The following DLGAP2 variants were observed in gnomAD, a reference collection of about 807,000 sequenced individuals.
DLGAP2 encodes DLG associated protein 2.
A neutral mutation model predicts 100.3 loss-of-function variants in DLGAP2; 26 were observed. That is an observed-to-expected ratio of 0.26 (90% CI 0.19 to 0.36). DLGAP2 has a LOEUF of 0.36. DLGAP2 is among the 10% of genes least tolerant of loss of function. The pLI, the probability that DLGAP2 is intolerant of heterozygous loss-of-function variation, is 1.00. For synonymous variants in DLGAP2, 886 were observed against 630.1 expected (o/e 1.41, Z -6.08); for missense variants, 1,858 against 1,453.2 (o/e 1.28, Z -4.53).
At chr8:1,002,713 A>G (rs1800995581) in intron 2 of DLGAP2, 1 of 152,210 alleles carries the variant, frequency 6.6e-6, no homozygotes. Context: ...AAGCAAACCA[A>G]ACTGAAACTG....
intron 2 of DLGAP2, among the ~76,000 whole-genome samples, chr8:1,201,818 G>C (rs190379307): frequency 1.3e-5 from 2 of 152,254 alleles, no homozygotes; most frequent in East Asian, 3.9e-4. Context: ...ACGTGTGTGC[G>C]GTGTAGGTGC....
intron 4 of DLGAP2, among the ~76,000 whole-genome samples, chr8:1,532,532 G>T (rs1801018407): frequency 1.3e-5 from 2 of 152,050 alleles, no homozygotes; most frequent in South Asian, 2.1e-4. Context: ...CATTTTTATG[G>T]CTCTTAAGAT....
intron 1 of DLGAP2, among the ~76,000 whole-genome samples, chr8:877,921 G>C (rs976372650): frequency 6.6e-6 from 1 of 152,210 alleles, no homozygotes; most frequent in African/African-American, 2.4e-5. Context: ...TTGACTTTCT[G>C]AGCTGGGAGG....
chr8:823,479 G>C (rs997522201), intron 1 of DLGAP2, among the ~76,000 whole-genome samples: 1 of 152,108 alleles, frequency 6.6e-6, no homozygotes, highest in Non-Finnish European at 1.5e-5. Context: ...GCAAAGAAAA[G>C]ACTCACTCTG....
intron 2 of DLGAP2, chr8:926,910 C>T (rs1798828352): frequency 1.7e-6 from 1 of 573,876 alleles, no homozygotes; most frequent in Non-Finnish European, 2.2e-6. Flanking sequence ...CGTAGGCGTT[C>T]CAGGTGTTCC....
At chr8:1,437,692 G>T (rs574454099) in intron 3 of DLGAP2, among the ~76,000 whole-genome samples, 1 of 151,508 alleles carries the variant, frequency 6.6e-6, no homozygotes, top group South Asian at 2.1e-4. Context: ...AAATATCACC[G>T]GCCGGTGGCT....
chr8:1,050,939 G>A (rs560848499), intron 2 of DLGAP2, among the ~76,000 whole-genome samples: 2 of 148,606 alleles, frequency 1.3e-5, no homozygotes, highest in East Asian at 4.0e-4. Context: ...CATTTCGTGG[G>A]TGGGGGGTCA....
chr8:1,054,494 A>G (rs1176678524), intron 2 of DLGAP2, among the ~76,000 whole-genome samples: 1 of 152,238 alleles, frequency 6.6e-6, no homozygotes, highest in Non-Finnish European at 1.5e-5. Flanking sequence ...AAGTGCTGTC[A>G]TTAAAGTAGT....
intron 2 of DLGAP2, among the ~76,000 whole-genome samples, chr8:1,121,883 C>A (rs1319398563): frequency 6.6e-6 from 1 of 152,248 alleles, no homozygotes; most frequent in Non-Finnish European, 1.5e-5. Context: ...GTTCCTTTAG[C>A]ATCCATGAGC....
At chr8:1,201,587 C>A (rs769272402) in intron 2 of DLGAP2, among the ~76,000 whole-genome samples, 5 of 152,172 alleles carry the variant, frequency 3.3e-5, no homozygotes, top group African/African-American at 9.7e-5. Context: ...GTGTGGTCAC[C>A]GGCACGGCAG....
In DLGAP2 at chr8:1,287,798, T is replaced by TGTGG. The variant is rs1416277588; in HGVS notation, c.106+28916_106+28917insTGGG. 1.7e-5 allele frequency among the ~76,000 whole-genome samples: 2 copies of TGTGG among 119,764 alleles called. 1 individual carries two copies. The highest frequency in any genetic ancestry group is 6.9e-5 in the African/African-American group (2 of 29,028). The allele number at this position is 119,764 out of a possible 152,430, so 78.6% of individuals were successfully genotyped here. On this transcript the variant is annotated intron_variant, in intron 3 of 14. Transcript: ENST00000637795. ...GTGTGTGTCTGTGTGTATGTGTGTG[T>TGTGG]GGTTCTGTTAGGACGGGAACTAGTT...
At position 879,299 on chromosome 8, in the gene DLGAP2, G is replaced by A. The variant is rs374282291; in HGVS notation, c.19-28613G>A. The stretch of plus-strand genomic sequence containing the variant: ...CAATAATTTGTGAAGACCATTCCCC[G>A]GAGAAGAAATTTGTTTTGCTGTTAG... On this transcript the variant is annotated intron_variant, in intron 1 of 14. Transcript: ENST00000637795. 1.4e-4 allele frequency among the ~76,000 whole-genome samples: 22 copies of A among 152,284 alleles called. No individual in the cohort carries two copies. In the South Asian group the frequency reaches 2.3e-3, roughly 16 times the overall value.
At chr8:1,633,500 C>G (rs1797700442) in intron 8 of DLGAP2, among the ~76,000 whole-genome samples, 1 of 152,196 alleles carries the variant, frequency 6.6e-6, no homozygotes, top group Admixed American at 6.5e-5. Flanking sequence ...GCAGGTCCAT[C>G]ATTAATGCAG....
intron 2 of DLGAP2, among the ~76,000 whole-genome samples, chr8:1,109,159 C>T (rs1291579800): frequency 2.3e-4 from 14 of 60,058 alleles, no homozygotes; most frequent in African/African-American, 8.3e-4. Context: ...GAGGTGTGCA[C>T]GGGTCTGTGA....
intron 3 of DLGAP2, among the ~76,000 whole-genome samples, chr8:1,280,756 A>T (rs1391111649): frequency 6.6e-6 from 1 of 152,176 alleles, no homozygotes; most frequent in Non-Finnish European, 1.5e-5. Context: ...CTGGAAGGGC[A>T]GTTGGGGGTC....
chr8:1,294,045 C>T (rs1216333188), intron 3 of DLGAP2, among the ~76,000 whole-genome samples: 2 of 152,128 alleles, frequency 1.3e-5, no homozygotes, highest in Admixed American at 1.3e-4. Context: ...GGCTCCCTGC[C>T]GGGCAGAGGG....
At chr8:1,368,285 T>C (rs529114329) in intron 3 of DLGAP2, among the ~76,000 whole-genome samples, 62 of 152,008 alleles carry the variant, frequency 4.1e-4, no homozygotes, top group African/African-American at 1.4e-3. Flanking sequence ...TGTGTATGTG[T>C]GTGTATTATG....
chr8:897,910 C>A (rs1314775732), intron 1 of DLGAP2, among the ~76,000 whole-genome samples: 1 of 152,178 alleles, frequency 6.6e-6, no homozygotes, highest in African/African-American at 2.4e-5. Context: ...AAGCCCTGCA[C>A]GTGCAGCGAG....
intron 2 of DLGAP2, among the ~76,000 whole-genome samples, chr8:982,567 C>T (rs2129014704): frequency 6.6e-6 from 1 of 152,210 alleles, no homozygotes; most frequent in East Asian, 1.9e-4. Context: ...TAAAGAAGGC[C>T]AACTTGCTAT....
Sources: allele counts gnomAD v4.1 joint callset (sites outside exome capture counted in the v4.1 genomes callset), GRCh38; gene constraint gnomAD v4.1.1; transcripts MANE v1.5; gene names NCBI Gene and HGNC (gene_info 2026-07-23, HGNC 2026-07-21).